The following TLN2 variants were observed in gnomAD, a reference collection of about 807,000 sequenced individuals.
The protein encoded by TLN2 is talin 2.
A neutral mutation model predicts 294.7 loss-of-function variants in TLN2; 118 were observed. The ratio of observed to expected loss-of-function variants is 0.40; its 90% CI spans 0.34 to 0.47. TLN2 has a LOEUF of 0.47. Among genes scored for constraint, TLN2 ranks in the 20% least tolerant of loss-of-function variants. The probability of loss-of-function intolerance (pLI) is 0.84; values close to 1 mark genes in which losing one functional copy is unlikely to be tolerated. For synonymous variants in TLN2, 1,431 were observed against 1,304.5 expected, an observed-to-expected ratio of 1.10 and a Z score of -2.09; for missense variants, 3,083 against 3,282.2, an observed-to-expected ratio of 0.94 and a Z score of 1.48.
intron 1 of TLN2, among the ~76,000 whole-genome samples, chr15:62,539,393 C>A (rs1264337120): frequency 6.6e-6 from 1 of 152,226 alleles, no homozygotes; most frequent in South Asian, 2.1e-4. Context: ...CTCAACAAAT[C>A]TGTCACCTAG....
At chr15:62,638,648 T>A (rs751671498) in intron 3 of TLN2, 1 of 455,950 alleles carries the variant, frequency 2.2e-6, no homozygotes, top group Middle Eastern at 3.3e-4. Context: ...TCAAAGGTCT[T>A]TTCTCATCAT....
chr15:62,624,723 G>A (rs2049127551), intron 3 of TLN2, among the ~76,000 whole-genome samples: 1 of 152,192 alleles, frequency 6.6e-6, no homozygotes. Context: ...AGGGGTGTGG[G>A]GGTGTCTGCA....
intron 1 of TLN2, among the ~76,000 whole-genome samples, chr15:62,544,748 C>G (rs956283577): frequency 2.0e-5 from 3 of 151,374 alleles, no homozygotes; most frequent in Non-Finnish European, 4.4e-5. Context: ...TTTCTTCCCC[C>G]CCTCTAATCA....
chr15:62,719,820 T>G lies in TLN2; in HGVS notation c.2931T>G (p.Ala977=). The G allele has an allele frequency of 6.2e-7, 1 of 1,612,394 alleles. No homozygotes were observed. The highest frequency in any genetic ancestry group is 1.3e-5 in the African/African-American group (1 of 74,990). Residue 977 remains alanine (A), a synonymous_variant, in exon 25 of 59, where the codon GCT becomes GCG. Coordinates refer to ENST00000636159, the MANE Select transcript of TLN2 (RefSeq NM_015059.3). The part of the protein sequence containing the change: ...QLVQGVRGSQ[A]QAEDLSAQLA... Reference sequence around the variant, plus strand: ...TCCAGGGAGTGAGGGGGAGCCAAGCTCAAGCTGAAGACCTGAGTGCCCAGC... The same window carrying G: ...TCCAGGGAGTGAGGGGGAGCCAAGCGCAAGCTGAAGACCTGAGTGCCCAGC...
At chr15:62,641,823 A>T (rs2051150607) in intron 3 of TLN2, among the ~76,000 whole-genome samples, 1 of 152,138 alleles carries the variant, frequency 6.6e-6, no homozygotes, top group Admixed American at 6.5e-5. Flanking sequence ...GGGTCAGGGC[A>T]CTTCGTGGTC....
intron 1 of TLN2, among the ~76,000 whole-genome samples, chr15:62,498,941 T>C (rs571682055): frequency 4.6e-5 from 7 of 152,182 alleles, no homozygotes; most frequent in Admixed American, 6.5e-5. Context: ...GTTAGTGGAA[T>C]GTGGAGAGTT....
rs1443838061 is a variant in TLN2 at position 62,787,662 on chromosome 15, T to TGGAGAAGC, written c.5736+3773_5736+3780dup. Among the ~76,000 whole-genome samples the TGGAGAAGC allele has an allele frequency of 9.2e-5, 14 of 151,404 alleles. No homozygotes were observed. The East Asian group carries it at 2.3e-3, about 25-fold the overall frequency. ...ATTTACTGAGAAGCTCACTATTGCA[T>TGGAGAAGC]GGAGAAGCTTAGCATTTTTAAACTC... On this transcript the variant is annotated intron_variant, in intron 45 of 58. Coordinates refer to ENST00000636159, the MANE Select transcript of TLN2 (RefSeq NM_015059.3).
At chr15:62,636,249 A>AATAGATAGATAG (rs57713976) in intron 3 of TLN2, among the ~76,000 whole-genome samples, 5,515 of 150,126 alleles carry the variant, frequency 0.037, 105 homozygotes, top group African/African-American at 0.039. Context: ...GGGATACTGT[A>AATAGATAGATAG]ATAGATAGAT....
At chr15:62,751,630 G>GAA (rs2061944153) in intron 34 of TLN2, among the ~76,000 whole-genome samples, 1 of 152,124 alleles carries the variant, frequency 6.6e-6, no homozygotes, top group Non-Finnish European at 1.5e-5. Context: ...TGTTGCCAAG[G>GAA]AAAATATGAC....
intron 1 of TLN2, among the ~76,000 whole-genome samples, chr15:62,438,712 C>T (rs914824524): frequency 3.3e-5 from 5 of 152,132 alleles, no homozygotes; most frequent in Admixed American, 6.5e-5. Context: ...ATGCCTTGTC[C>T]AGTAAATGGC....
At chr15:62,797,823 G>A (rs558816749) in intron 48 of TLN2, among the ~76,000 whole-genome samples, 11 of 152,326 alleles carry the variant, frequency 7.2e-5, no homozygotes, top group East Asian at 3.9e-4. Flanking sequence ...TAGTGAGTGC[G>A]CGTGAGCCTG....
At position 62,696,334 on chromosome 15, in the gene TLN2, C is replaced by A. The variant is rs980982458; in HGVS notation, c.1293-1354C>A. ...CCACTGGGCTTCTGAGGAACATATG[C>A]CACCCTCAGACTTTTTACCTTCAGA... On this transcript the variant is annotated intron_variant, in intron 14 of 58. Transcript: ENST00000636159. Among the ~76,000 whole-genome samples the A allele has an allele frequency of 3.9e-5, 6 of 152,314 alleles. No homozygotes were observed. The East Asian group carries it at 1.2e-3, about 29-fold the overall frequency.
chr15:62,576,990 C>T (rs2044475794), intron 1 of TLN2, among the ~76,000 whole-genome samples: 1 of 152,094 alleles, frequency 6.6e-6, no homozygotes, highest in East Asian at 1.9e-4. Flanking sequence ...CAGCTGTGTG[C>T]CACCAGGAAT....
At chr15:62,763,782 G>A in intron 40 of TLN2, 87 bp downstream of exon 40, 1 of 1,429,844 alleles carries the variant, frequency 7.0e-7, no homozygotes, top group Non-Finnish European at 9.2e-7. Flanking sequence ...AGAGGTTGTA[G>A]GGCCAAAATG....
At chr15:62,500,700 T>C (rs1210776662) in intron 1 of TLN2, among the ~76,000 whole-genome samples, 2 of 152,218 alleles carry the variant, frequency 1.3e-5, no homozygotes, top group South Asian at 4.1e-4. Flanking sequence ...CAATCTCAAG[T>C]GACATCAATG....
At chr15:62,730,958 C>CCCTT (rs1335511279) in intron 28 of TLN2, among the ~76,000 whole-genome samples, 4 of 152,186 alleles carry the variant, frequency 2.6e-5, no homozygotes, top group Non-Finnish European at 5.9e-5. Flanking sequence ...GTGTTTCCTA[C>CCCTT]ATCTTCTGTA....
intron 1 of TLN2, among the ~76,000 whole-genome samples, chr15:62,506,719 C>T (rs2039641618): frequency 6.6e-6 from 1 of 152,166 alleles, no homozygotes; most frequent in Non-Finnish European, 1.5e-5. Flanking sequence ...TTATAAATAA[C>T]TAAGCAACTT....
chr15:62,437,751 G>GT (rs56329705), intron 1 of TLN2, among the ~76,000 whole-genome samples: 46,220 of 149,500 alleles, frequency 0.31, 7,964 homozygotes, highest in Admixed American at 0.4. Context: ...AACACCATGG[G>GT]GGTGTGTGTG....
intron 1 of TLN2, among the ~76,000 whole-genome samples, chr15:62,550,588 G>A (rs2042239850): frequency 6.6e-6 from 1 of 152,186 alleles, no homozygotes; most frequent in African/African-American, 2.4e-5. Flanking sequence ...GAATCCACAT[G>A]GGTGGTGCAT....
Sources: allele counts gnomAD v4.1 joint callset (sites outside exome capture counted in the v4.1 genomes callset), GRCh38; gene constraint gnomAD v4.1.1; transcripts MANE v1.5; gene names NCBI Gene and HGNC (gene_info 2026-07-23, HGNC 2026-07-21).